Variants in ZNF850 observed in about 807,000 individuals in gnomAD.
ZNF850 encodes the protein zinc finger protein 850, also known as putative zinc finger protein ENSP00000330994.
A neutral mutation model predicts 11.9 loss-of-function variants in ZNF850; 2 were observed. The observed-to-expected ratio is 0.17, with a 90% CI of 0.07 to 0.53. ZNF850 has a LOEUF of 0.53. Ranked by LOEUF, ZNF850 falls within the 20% of genes least tolerant of loss-of-function variation. The probability of loss-of-function intolerance (pLI) is 0.94; values close to 1 mark genes in which losing one functional copy is unlikely to be tolerated. For missense variants in ZNF850, 1,014 were observed against 1,316.4 expected, an observed-to-expected ratio of 0.77 and a Z score of 3.55; for synonymous variants, 381 against 443.0, an observed-to-expected ratio of 0.86 and a Z score of 1.76.
In ZNF850 at chr19:36,750,645, A is replaced by G. The variant is rs1023821289; in HGVS notation, c.395T>C (p.Ile132Thr). 5.9e-6 allele frequency: 9 copies of G among 1,536,020 alleles called. No homozygotes were observed. The African/African-American group carries it at 9.6e-5, about 16-fold the overall frequency. Residue 132 changes from isoleucine to threonine, a missense_variant, in exon 5 of 5, where the codon ATA (isoleucine) becomes ACA (threonine). Around this residue, in one of 2 missense-constraint regions of ZNF850, gnomAD observed 835 missense variants for 1,022.0 expected, o/e 0.82. Coordinates refer to ENST00000591344, the MANE Select transcript of ZNF850 (RefSeq NM_001193552.2). Reference protein sequence around the residue: ...ECKGQFQHQDINQERYLEKAI... With the variant: ...ECKGQFQHQDTNQERYLEKAI... ...TTTTTCCAAATATCGCTCCTGATTT[A>G]TATCTTGGTGCTGAAACTGGCCTTT...
At chr19:36,760,518 C>A (rs1452136109) in intron 4 of ZNF850, among the ~76,000 whole-genome samples, 1 of 151,762 alleles carries the variant, frequency 6.6e-6, no homozygotes, top group African/African-American at 2.4e-5. Context: ...AACTGTCACC[C>A]ACCAAGAAAA....
At chr19:36,766,799 T>C (rs28418630) in intron 1 of ZNF850, among the ~76,000 whole-genome samples, 6,164 of 152,280 alleles carry the variant, frequency 0.04, 420 homozygotes, top group African/African-American at 0.14. Context: ...GGGAACTGTG[T>C]CCTTCAAAAT....
chr19:36,743,914 A>T lies in ZNF850; in HGVS notation c.*3853T>A, dbSNP rs1310296872. ...AAGGATTTACCGGCCGGGCACGTGGATCCTGCCTGTAATCCCAGCACTTTG... is the reference window on the plus strand; with the variant it reads ...AAGGATTTACCGGCCGGGCACGTGGTTCCTGCCTGTAATCCCAGCACTTTG... On this transcript the variant is annotated 3_prime_UTR_variant, in exon 5 of 5. Coordinates refer to ENST00000591344, the MANE Select transcript of ZNF850 (RefSeq NM_001193552.2). 1 of 152,174 alleles carries T rather than the reference A, an allele frequency of 6.6e-6. No homozygotes were observed. Among genetic ancestry groups the T allele is most frequent in the Non-Finnish European group, 1.5e-5 (1 of 68,054 alleles). 9.4% of individuals were successfully genotyped at this position (152,174 alleles called of 1,614,324 possible). A position where few individuals can be genotyped will look rare whatever the true frequency, so the allele number is the denominator to read the frequency against.
rs371749966 is a variant in ZNF850, at chr19:36,748,378, G to A, written c.2662C>T (p.Arg888Trp). ...FAFRSAIIQH[R>W]RIHTGEKPYD... is the part of the protein sequence containing the mutation. Reference sequence around the variant, plus strand: ...GGTTTCTCACCAGTGTGAATTCGCCGATGTTGGATTATTGCTGAGCGAAAA... The same window carrying A: ...GGTTTCTCACCAGTGTGAATTCGCCAATGTTGGATTATTGCTGAGCGAAAA... Residue 888 changes from arginine (R) to tryptophan (W), a missense_variant, in exon 5 of 5, where the codon CGG becomes TGG. Coordinates refer to ENST00000591344, the MANE Select transcript of ZNF850 (RefSeq NM_001193552.2). 12 of 1,562,370 alleles carry A rather than the reference G, an allele frequency of 7.7e-6. No individual in the cohort carries two copies. In the African/African-American group the frequency reaches 9.5e-5, roughly 12 times the overall value.
Position 36,748,768 on chromosome 19 carries a change from C to T in ZNF850, c.2272G>A (p.Asp758Asn), listed in dbSNP as rs558699869. ...AAAGATTTCCCACATTCCTTACAAT[C>T]ATAGGGTTTCTCACCAGTGTGAATT... The part of the protein sequence containing the change: ...QQIHTGEKPY[D>N]CKECGKSFTS... Residue 758 changes from aspartate (D) to asparagine (N), a missense_variant, in exon 5 of 5, where the codon GAT (aspartate) becomes AAT (asparagine). Physicochemically the swap from Asp to Asn is conservative, Grantham distance 23 (BLOSUM62 1). Coordinates refer to ENST00000591344, the MANE Select transcript of ZNF850 (RefSeq NM_001193552.2). The T allele has an allele frequency of 2.8e-4, 430 of 1,549,362 alleles. No homozygotes were observed. The highest frequency in any genetic ancestry group is 1.5e-3 in the Admixed American group (77 of 51,940).
intron 3 of ZNF850, 45 bp from the exon 4 acceptor site, chr19:36,761,783 C>G (rs2040519998): frequency 8.3e-7 from 1 of 1,202,736 alleles, no homozygotes; most frequent in Admixed American, 2.1e-5. Context: ...TGGTGGCTCA[C>G]TCCTATAATC....
At chr19:36,772,628 A>C (rs1360379939) in intron 1 of ZNF850, 97 bp downstream of exon 1, 1 of 153,984 alleles carries the variant, frequency 6.5e-6, no homozygotes, top group Non-Finnish European at 1.4e-5. Flanking sequence ...AGCCACAGTC[A>C]CAGACCACGG....
intron 4 of ZNF850, among the ~76,000 whole-genome samples, chr19:36,757,056 C>T (rs1354323277): frequency 2.0e-5 from 3 of 152,164 alleles, no homozygotes; most frequent in Non-Finnish European, 4.4e-5. Context: ...AATGTAGGCA[C>T]ATTTTCATTT....
intron 4 of ZNF850, among the ~76,000 whole-genome samples, chr19:36,759,222 G>A (rs1490162652): frequency 6.6e-6 from 1 of 152,206 alleles, no homozygotes; most frequent in African/African-American, 2.4e-5. Context: ...TGTAATCCCA[G>A]CAGTTTGGGA....
At chr19:36,751,888 A>G (rs1221337006) in intron 4 of ZNF850, among the ~76,000 whole-genome samples, 1 of 152,046 alleles carries the variant, frequency 6.6e-6, no homozygotes, top group Admixed American at 6.6e-5. Context: ...TAAAATGTTA[A>G]TGGGAAACTA....
At chr19:36,758,160 C>T (rs1044748777) in intron 4 of ZNF850, among the ~76,000 whole-genome samples, 2 of 152,102 alleles carry the variant, frequency 1.3e-5, no homozygotes, top group African/African-American at 4.8e-5. Context: ...CCTTAAATGA[C>T]GACTCATGCC....
chr19:36,747,666 A>G lies in ZNF850; in HGVS notation c.*101T>C, dbSNP rs930445037. On this transcript the variant is annotated 3_prime_UTR_variant, in exon 5 of 5. Transcript: ENST00000591344. ...AAAAAAAAAAAGTCGTAATTCTGGA[A>G]AAAGTGAATATGAAGTAATACACAT... 12 of 1,243,484 alleles carry G rather than the reference A, an allele frequency of 9.7e-6. No homozygotes were observed. Among genetic ancestry groups the G allele is most frequent in the Middle Eastern group, 2.0e-4 (1 of 5,046 alleles). The allele number at this position is 1,243,484 out of a possible 1,614,324, so 77.0% of individuals were successfully genotyped here. A position where few individuals can be genotyped will look rare whatever the true frequency, so the allele number is the denominator to read the frequency against.
intron 4 of ZNF850, among the ~76,000 whole-genome samples, chr19:36,754,237 A>C (rs1049778515): frequency 4.6e-5 from 7 of 152,008 alleles, no homozygotes; most frequent in Non-Finnish European, 4.4e-5. Flanking sequence ...AGAAAAAGTA[A>C]ATTTCAACCC....
At position 36,750,462 on chromosome 19, in the gene ZNF850, C is replaced by G; in HGVS notation, c.578G>C (p.Gly193Ala). ...CTCCTTACATTTATAGAGTTTTTCA[C>G]CAGTATGGGTTTCTTGCTGTTGTGT... ...ELTQQQETHTGEKLYKCKECG... is the reference protein window; with the variant it reads ...ELTQQQETHTAEKLYKCKECG... The change falls in exon 5 of 5, where the codon GGT becomes GCT. Residue 193 changes from glycine (G) to alanine (A), a missense_variant. Transcript: ENST00000591344. 6.5e-7 allele frequency: 1 copy of G among 1,536,432 alleles called. No homozygotes were observed. The highest frequency in any genetic ancestry group is 2.0e-5 in the Admixed American group (1 of 50,972).
intron 1 of ZNF850, among the ~76,000 whole-genome samples, chr19:36,771,584 T>G (rs28736742): frequency 6.7e-6 from 1 of 150,076 alleles, no homozygotes; most frequent in African/African-American, 2.5e-5. Context: ...GAAGTGAAAG[T>G]TTGGCCCGGG....
intron 1 of ZNF850, among the ~76,000 whole-genome samples, chr19:36,768,469 T>C (rs2040561497): frequency 6.6e-6 from 1 of 152,344 alleles, no homozygotes; most frequent in African/African-American, 2.4e-5. Flanking sequence ...ATGCAATTGC[T>C]CTCTTTCAAA....
intron 4 of ZNF850, among the ~76,000 whole-genome samples, chr19:36,753,271 GAAAAA>G (rs71171470): frequency 4.8e-4 from 32 of 66,068 alleles, no homozygotes; most frequent in African/African-American, 2.0e-3. Context: ...TTCATCTCAG[GAAAAA>G]AAAAAAAAAA....
chr19:36,754,645 C>T (rs765867112), intron 4 of ZNF850, among the ~76,000 whole-genome samples: 6 of 151,910 alleles, frequency 3.9e-5, no homozygotes, highest in Non-Finnish European at 7.4e-5. Flanking sequence ...AACCTCTGCC[C>T]TCCGAGTTCA....
In ZNF850 at chr19:36,765,648, G is replaced by A. The variant is rs180885597; in HGVS notation, c.-69-2973C>T. 7.1e-4 allele frequency among the ~76,000 whole-genome samples: 105 copies of A among 147,888 alleles called. 2 individuals are homozygous for A. In the East Asian group the frequency reaches 0.02, roughly 28 times the overall value. On this transcript the variant is annotated intron_variant, in intron 1 of 4. Transcript: ENST00000591344. ...TGCCCAGGCTGGAGTGCAGTGGTGC[G>A]ATCTCGGCTCACTGCAACCTCCTCC...
Sources: allele counts gnomAD v4.1 joint callset (sites outside exome capture counted in the v4.1 genomes callset), GRCh38; gene constraint gnomAD v4.1.1; regional missense constraint gnomAD v4.1.1; transcripts MANE v1.5; gene names NCBI Gene and HGNC (gene_info 2026-07-23, HGNC 2026-07-21).